NFASC: variants seen among roughly 807,000 people sequenced by gnomAD.
The protein encoded by NFASC is neurofascin homolog.
In NFASC, 43 loss-of-function variants were observed where a neutral mutation model predicts 147.5. That is an observed-to-expected ratio of 0.29 (90% CI 0.23 to 0.38). The LOEUF (loss-of-function observed/expected upper bound fraction) is 0.38, where lower values mean the gene tolerates loss of function less well. NFASC is among the 10% of genes least tolerant of loss of function. NFASC has a pLI of 1.00. For synonymous variants in NFASC, 622 were observed against 665.5 expected (o/e 0.93, Z 1.01); for missense variants, 1,320 against 1,689.0 (o/e 0.78, Z 3.83).
Position 204,975,160 on chromosome 1 carries a change from C to A in NFASC, c.1559-111C>A. The A allele has an allele frequency of 8.4e-7, 1 of 1,191,160 alleles. No individual in the cohort carries two copies. Among genetic ancestry groups the A allele is most frequent in the Non-Finnish European group, 1.2e-6 (1 of 845,442 alleles). 73.8% of individuals were successfully genotyped at this position (1,191,160 alleles called of 1,614,324 possible). A position where few individuals can be genotyped will look rare whatever the true frequency, so the allele number is the denominator to read the frequency against. Reference sequence around the variant, plus strand: ...ATACCATAGCATACTGTTTGTGCCCCACTCCATAGTTGGCCCAAGGCCTCG... The same window carrying A: ...ATACCATAGCATACTGTTTGTGCCCAACTCCATAGTTGGCCCAAGGCCTCG... On this transcript the variant is annotated intron_variant, in intron 14 of 29. Coordinates refer to ENST00000339876, the MANE Select transcript of NFASC (RefSeq NM_001005388.3). The surrounding 1 kb of genome is among the most constrained non-coding windows in gnomAD (Gnocchi z 4.0).
intron 1 of NFASC, among the ~76,000 whole-genome samples, chr1:204,831,069 G>T (rs1293024095): frequency 1.3e-5 from 2 of 152,096 alleles, no homozygotes; most frequent in African/African-American, 4.8e-5. Flanking sequence ...GCTTTTCCTG[G>T]TACAGGGAGA....
At chr1:204,871,186 C>A (rs2077621968) in intron 1 of NFASC, 2 of 1,012,736 alleles carry the variant, frequency 2.0e-6, no homozygotes, top group Non-Finnish European at 1.3e-6. Flanking sequence ...ACTTTCCCAA[C>A]AAAGCTAAGA....
chr1:204,889,451 G>A (rs375954571), intron 1 of NFASC, among the ~76,000 whole-genome samples: 2 of 152,192 alleles, frequency 1.3e-5, no homozygotes, highest in African/African-American at 4.8e-5. Flanking sequence ...GCTTCATTAC[G>A]CAGGTTAACA....
intron 1 of NFASC, among the ~76,000 whole-genome samples, chr1:204,855,202 A>G (rs191169772): frequency 1.3e-5 from 2 of 151,704 alleles, no homozygotes; most frequent in Non-Finnish European, 2.9e-5. Context: ...GTATAATGAG[A>G]CTTAGCCTCT....
At position 204,954,624 on chromosome 1, in the gene NFASC, G is replaced by A. The variant is rs2094336737; in HGVS notation, c.413-205G>A. 6.6e-6 allele frequency among the ~76,000 whole-genome samples: 1 copy of A among 152,194 alleles called. No homozygotes were observed. The highest frequency in any genetic ancestry group is 2.4e-5 in the African/African-American group (1 of 41,448). ...TGCGGGCACAGGAGACGGGAAAGGA[G>A]GGGAGCCTTGAAGATGCCTCCCTTC... On this transcript the variant is annotated intron_variant, in intron 6 of 29. Transcript: ENST00000339876. The surrounding 1 kb of genome is among the most constrained non-coding windows in gnomAD (Gnocchi z 5.7).
rs2096367478 is a variant in NFASC, at chr1:205,016,938, GTC to G, written c.*403_*404del. 6.5e-6 allele frequency: 2 copies of G among 308,066 alleles called. No homozygotes were observed. The highest frequency in any genetic ancestry group is 4.1e-5 in the Admixed American group (1 of 24,568). 19.1% of individuals were successfully genotyped at this position (308,066 alleles called of 1,614,324 possible). Reference sequence around the variant, plus strand: ...GTGCATCTTCCCCTCCAGACCCAATGTCTCTGTTTTCTTTTCCTTTTGAAAAA... The same window carrying G: ...GTGCATCTTCCCCTCCAGACCCAATGTCTGTTTTCTTTTCCTTTTGAAAAA... On this transcript the variant is annotated 3_prime_UTR_variant, in exon 30 of 30. Transcript: ENST00000339876. This position sits in a 1 kb window ranked among gnomAD's most constrained non-coding sequence, Gnocchi z 5.1.
intron 1 of NFASC, among the ~76,000 whole-genome samples, chr1:204,868,021 C>T (rs2077258398): frequency 6.6e-6 from 1 of 152,258 alleles, no homozygotes; most frequent in South Asian, 2.1e-4. Flanking sequence ...TACCCAGCTT[C>T]TGCTTAAATA....
At chr1:204,844,792 T>C (rs1222031000) in intron 1 of NFASC, among the ~76,000 whole-genome samples, 1 of 152,158 alleles carries the variant, frequency 6.6e-6, no homozygotes, top group Non-Finnish European at 1.5e-5. Context: ...AGCCACACTC[T>C]CCTACAGACT....
At chr1:204,851,326 C>CTTTTTTTTTTT (rs59834352) in intron 1 of NFASC, among the ~76,000 whole-genome samples, 2 of 136,344 alleles carry the variant, frequency 1.5e-5, no homozygotes, top group African/African-American at 2.7e-5. Context: ...TCATGCTTTT[C>CTTTTTTTTTTT]TTTTTTTTTT....
At chr1:204,996,491 A>G (rs1391062161) in intron 24 of NFASC, among the ~76,000 whole-genome samples, 1 of 152,138 alleles carries the variant, frequency 6.6e-6, no homozygotes, top group Non-Finnish European at 1.5e-5. Flanking sequence ...AGGAAGGGCT[A>G]CCACTGAGCA....
rs942676134 is a variant in NFASC, at chr1:204,828,673, C to G, written c.-309C>G. On this transcript the variant is annotated 5_prime_UTR_variant, in exon 1 of 30. Coordinates refer to ENST00000339876, the MANE Select transcript of NFASC (RefSeq NM_001005388.3). Reference sequence around the variant, plus strand: ...GGACGCGCACGGGCTGGTCTCTGCCCTAATGCGGCGGCTGGCGGCGAGAGG... The same window carrying G: ...GGACGCGCACGGGCTGGTCTCTGCCGTAATGCGGCGGCTGGCGGCGAGAGG... The G allele has an allele frequency of 2.0e-6, 2 of 985,152 alleles. No homozygotes were observed. Among genetic ancestry groups the G allele is most frequent in the Non-Finnish European group, 2.4e-6 (2 of 829,994 alleles). 61.0% of individuals were successfully genotyped at this position (985,152 alleles called of 1,614,324 possible).
chr1:205,009,556 G>C lies in NFASC; in HGVS notation c.3290-1G>C. 6.2e-7 allele frequency: 1 copy of C among 1,614,086 alleles called. No individual in the cohort carries two copies. The highest frequency in any genetic ancestry group is 8.5e-7 in the Non-Finnish European group (1 of 1,179,988). On this transcript the variant is annotated splice_acceptor_variant, in intron 27 of 29. Coordinates refer to ENST00000339876, the MANE Select transcript of NFASC (RefSeq NM_001005388.3). LOFTEE classifies it high-confidence loss of function. Reference sequence around the variant, plus strand: ...GGTTTGCTTCCGGCCCTCCCCGCCAGCTTACACCAACAACCAAGCGGACAT... The same window carrying C: ...GGTTTGCTTCCGGCCCTCCCCGCCACCTTACACCAACAACCAAGCGGACAT...
chr1:205,002,244 AG>A (rs557915155), intron 26 of NFASC, among the ~76,000 whole-genome samples: 9 of 152,236 alleles, frequency 5.9e-5, no homozygotes, highest in Non-Finnish European at 1.0e-4. Context: ...CTCACCAGCC[AG>A]ATCCATGTGA....
intron 28 of NFASC, among the ~76,000 whole-genome samples, chr1:205,011,949 G>C (rs2096261671): frequency 1.3e-5 from 2 of 152,132 alleles, no homozygotes; most frequent in South Asian, 4.1e-4. Context: ...CGCGGTGGCA[G>C]GCGCCTATAA....
intron 21 of NFASC, chr1:204,985,923 G>A (rs185491941): frequency 1.2e-6 from 2 of 1,612,886 alleles, no homozygotes; most frequent in African/African-American, 2.7e-5. Flanking sequence ...TACTACTGGA[G>A]GGAGAGCAGC....
chr1:204,924,644 C>T (rs770221095), intron 2 of NFASC, among the ~76,000 whole-genome samples: 1 of 152,158 alleles, frequency 6.6e-6, no homozygotes, highest in Non-Finnish European at 1.5e-5. Context: ...AGCCTCCCTT[C>T]CTCTCTGGTC....
intron 2 of NFASC, among the ~76,000 whole-genome samples, chr1:204,940,433 A>G (rs1213903253): frequency 6.6e-6 from 1 of 152,234 alleles, no homozygotes; most frequent in Non-Finnish European, 1.5e-5. Flanking sequence ...CGCCTGGGCA[A>G]CAGAGTGAGA....
intron 3 of NFASC, among the ~76,000 whole-genome samples, chr1:204,947,801 T>C (rs1558206425): frequency 6.6e-6 from 1 of 152,086 alleles, no homozygotes; most frequent in Non-Finnish European, 1.5e-5. Context: ...AACAATTCCT[T>C]CCCACCTTCA....
chr1:204,984,214 C>A, intron 21 of NFASC: 2 of 963,894 alleles, frequency 2.1e-6, no homozygotes, highest in Non-Finnish European at 1.7e-6. Context: ...CAAATGCGGG[C>A]TATAAGATAT....
Sources: allele counts gnomAD v4.1 joint callset (sites outside exome capture counted in the v4.1 genomes callset), GRCh38; gene constraint gnomAD v4.1.1; non-coding constraint Gnocchi (gnomAD v3.1); transcripts MANE v1.5; gene names NCBI Gene and HGNC (gene_info 2026-07-23, HGNC 2026-07-21).